BCAS3: variants seen among roughly 807,000 people sequenced by gnomAD.
BCAS3 encodes the protein BCAS3 microtubule associated cell migration factor.
In BCAS3, 53 loss-of-function variants were observed where a neutral mutation model predicts 116.1. The ratio of observed to expected loss-of-function variants is 0.46; its 90% CI spans 0.37 to 0.57. The LOEUF is 0.57. Among genes scored for constraint, BCAS3 ranks in the 20% least tolerant of loss-of-function variants. The probability of loss-of-function intolerance (pLI) is 0.00; values close to 1 mark genes in which losing one functional copy is unlikely to be tolerated. For missense variants in BCAS3, 917 were observed against 1,165.4 expected (o/e 0.79, Z 3.10); for synonymous variants, 391 against 408.2 (o/e 0.96, Z 0.51).
intron 12 of BCAS3, among the ~76,000 whole-genome samples, chr17:60,918,322 A>G (rs989754739): frequency 3.1e-4 from 47 of 152,238 alleles, no homozygotes; most frequent in African/African-American, 1.1e-3. Context: ...GATACATAAT[A>G]TTTGTACAAA....
In BCAS3 at chr17:61,026,731, G is replaced by T. The variant is rs896715312; in HGVS notation, c.1638-7935G>T. On this transcript the variant is annotated intron_variant, in intron 16 of 23. Transcript: ENST00000407086. This position sits in a 1 kb window ranked among gnomAD's most constrained non-coding sequence, Gnocchi z 5.0. Reference sequence around the variant, plus strand: ...TTGGTTATATCAGACAGTATGTACAGCAGAATTGTAAATGATTACTAATTT... The same window carrying T: ...TTGGTTATATCAGACAGTATGTACATCAGAATTGTAAATGATTACTAATTT... The T allele has an allele frequency of 1.2e-6, 1 of 802,220 alleles. No individual in the cohort carries two copies. 49.7% of individuals were successfully genotyped at this position (802,220 alleles called of 1,614,324 possible).
chr17:61,370,944 C>T (rs1396902575), intron 23 of BCAS3, among the ~76,000 whole-genome samples: 1 of 152,194 alleles, frequency 6.6e-6, no homozygotes, highest in African/African-American at 2.4e-5. Flanking sequence ...AGCAACATCT[C>T]AGTCCCCCTC....
chr17:61,081,946 C>T (rs1601079784), intron 21 of BCAS3, among the ~76,000 whole-genome samples: 1 of 152,166 alleles, frequency 6.6e-6, no homozygotes, highest in East Asian at 1.9e-4. Context: ...GTACACTGTC[C>T]TGTACCCCAT....
chr17:61,143,953 G>A (rs1331276318), intron 22 of BCAS3, among the ~76,000 whole-genome samples: 2 of 152,158 alleles, frequency 1.3e-5, no homozygotes, highest in Non-Finnish European at 2.9e-5. Context: ...CCAAGTAGAT[G>A]GTGATTATTC....
intron 22 of BCAS3, among the ~76,000 whole-genome samples, chr17:61,303,663 CTCT>C (rs1161276307): frequency 2.0e-5 from 3 of 152,210 alleles, no homozygotes; most frequent in Admixed American, 1.3e-4. Flanking sequence ...TGTGCACCCT[CTCT>C]TCTTTTGCCT....
At chr17:61,303,140 G>T (rs1397060689) in intron 22 of BCAS3, among the ~76,000 whole-genome samples, 1 of 152,174 alleles carries the variant, frequency 6.6e-6, no homozygotes, top group Non-Finnish European at 1.5e-5. Flanking sequence ...AGCAAAGCTG[G>T]GGGATAGTAT....
chr17:60,692,056 A>AG (rs2034901975), intron 4 of BCAS3, among the ~76,000 whole-genome samples: 1 of 151,798 alleles, frequency 6.6e-6, no homozygotes, highest in Admixed American at 6.6e-5. Context: ...CTGTCTCAAA[A>AG]AAAAAAAAAA....
Position 61,097,540 on chromosome 17 carries a change from A to G in BCAS3, c.2425+12976A>G, listed in dbSNP as rs1018689319. ...TAAAAAGAGAAATTGGAAAAGTAGC[A>G]GGGTGATTTTTAAGTTTCCTTGGCA... On this transcript the variant is annotated intron_variant, in intron 22 of 23. Transcript: ENST00000407086. This position sits in a 1 kb window ranked among gnomAD's most constrained non-coding sequence, Gnocchi z 4.0. 9.9e-5 allele frequency among the ~76,000 whole-genome samples: 15 copies of G among 152,276 alleles called. No individual in the cohort carries two copies. Among genetic ancestry groups the G allele is most frequent in the South Asian group, 4.1e-4 (2 of 4,822 alleles).
chr17:60,839,223 A>C (rs905022943), intron 7 of BCAS3, among the ~76,000 whole-genome samples: 6 of 152,198 alleles, frequency 3.9e-5, no homozygotes, highest in Admixed American at 3.3e-4. Flanking sequence ...TCCAGTCCTT[A>C]AAAGAAAACT....
intron 22 of BCAS3, among the ~76,000 whole-genome samples, chr17:61,207,008 C>T (rs1312671644): frequency 2.0e-5 from 3 of 151,448 alleles, no homozygotes; most frequent in East Asian, 1.9e-4. Flanking sequence ...AGAAGTGACA[C>T]GTAAGCTACA....
intron 6 of BCAS3, among the ~76,000 whole-genome samples, chr17:60,801,375 T>G (rs1011695481): frequency 1.3e-5 from 2 of 151,576 alleles, no homozygotes; most frequent in East Asian, 3.9e-4. Context: ...CTGATTCTAG[T>G]TTTTTTTTAA....
chr17:61,221,845 A>G (rs1302003432), intron 22 of BCAS3, among the ~76,000 whole-genome samples: 1 of 152,214 alleles, frequency 6.6e-6, no homozygotes, highest in Non-Finnish European at 1.5e-5. Flanking sequence ...CCGGAATGCT[A>G]ACCACCTCAC....
chr17:60,928,413 G>C (rs1187154236), intron 13 of BCAS3, among the ~76,000 whole-genome samples: 1 of 152,138 alleles, frequency 6.6e-6, no homozygotes, highest in Non-Finnish European at 1.5e-5. Flanking sequence ...AGTCTGTATA[G>C]TGGACTCATT....
intron 22 of BCAS3, among the ~76,000 whole-genome samples, chr17:61,303,281 T>G (rs571805162): frequency 6.6e-6 from 1 of 152,192 alleles, no homozygotes; most frequent in East Asian, 1.9e-4. Context: ...AAAACAAGAA[T>G]AAAATAGTCC....
chr17:61,020,942 C>T lies in BCAS3; in HGVS notation c.1637+5041C>T, dbSNP rs543892530. Among the ~76,000 whole-genome samples, 465 of 152,238 alleles carry T rather than the reference C, an allele frequency of 3.1e-3. 1 individual carries two copies. The highest frequency in any genetic ancestry group is 0.01 in the Middle Eastern group (3 of 294). On this transcript the variant is annotated intron_variant, in intron 16 of 23. Transcript: ENST00000407086. This position sits in a 1 kb window ranked among gnomAD's most constrained non-coding sequence, Gnocchi z 4.5. ...TTCCTTGCTCTTACTAGGTGGAGCA[C>T]TTTTTGTGAAGTAAACATGGGATGA...
At chr17:60,781,243 T>C (rs1240962260) in intron 6 of BCAS3, among the ~76,000 whole-genome samples, 1 of 152,014 alleles carries the variant, frequency 6.6e-6, no homozygotes, top group Non-Finnish European at 1.5e-5. Flanking sequence ...GTACTGGGAT[T>C]ACAGGTGTGA....
intron 22 of BCAS3, among the ~76,000 whole-genome samples, chr17:61,359,095 G>A (rs780039882): frequency 5.3e-5 from 8 of 152,014 alleles, no homozygotes; most frequent in African/African-American, 9.7e-5. Flanking sequence ...TGTAATTGAC[G>A]CATAACCAGT....
At chr17:60,861,204 T>C (rs1029600060) in intron 7 of BCAS3, among the ~76,000 whole-genome samples, 1 of 152,204 alleles carries the variant, frequency 6.6e-6, no homozygotes, top group African/African-American at 2.4e-5. Context: ...AGAGGTCTTT[T>C]ACCTTTCTGG....
At chr17:60,782,371 A>C (rs1177010578) in intron 6 of BCAS3, among the ~76,000 whole-genome samples, 1 of 152,096 alleles carries the variant, frequency 6.6e-6, no homozygotes, top group Non-Finnish European at 1.5e-5. Flanking sequence ...TGCTTGAGGT[A>C]GGTAGCATCT....
Sources: gnomAD v4.1 joint callset for allele counts (sites outside exome capture counted in the v4.1 genomes callset) on GRCh38, gnomAD v4.1.1 for gene constraint, Gnocchi (gnomAD v3.1) non-coding constraint, MANE v1.5 for transcripts, NCBI Gene and HGNC (gene_info 2026-07-23, HGNC 2026-07-21) for gene names.